HNRNPLL: variants seen among roughly 807,000 people sequenced by gnomAD.
HNRNPLL encodes the protein heterogeneous nuclear ribonucleoprotein L-like.
In HNRNPLL, 25 loss-of-function variants were observed where a neutral mutation model predicts 67.1. That is an observed-to-expected ratio of 0.37 (90% CI 0.27 to 0.52). The LOEUF (loss-of-function observed/expected upper bound fraction) is 0.52. Ranked by LOEUF, HNRNPLL falls within the 20% of genes least tolerant of loss-of-function variation. HNRNPLL has a pLI of 0.90. For synonymous variants in HNRNPLL, 267 were observed against 241.7 expected (o/e 1.10, Z -0.97); for missense variants, 542 against 673.9 (o/e 0.80, Z 2.17).
Position 38,585,761 on chromosome 2 carries a change from A to C in HNRNPLL, c.429T>G (p.Ala143=). ...DEPVYIAGQQ[A]FFNYSTSKRI... is the part of the protein sequence containing the mutation. Reference sequence around the variant, plus strand: ...TTTTGCTTGTAGAATAGTTGAAAAAAGCCTGTTGACCAGCAATGTACACGG... The same window carrying C: ...TTTTGCTTGTAGAATAGTTGAAAAACGCCTGTTGACCAGCAATGTACACGG... Residue 143 remains alanine, a synonymous_variant, in exon 3 of 13, where the codon GCT becomes GCG. Coordinates refer to ENST00000449105, the MANE Select transcript of HNRNPLL (RefSeq NM_138394.4). 3.1e-6 allele frequency: 5 copies of C among 1,613,734 alleles called. No individual in the cohort carries two copies. Among genetic ancestry groups the C allele is most frequent in the Non-Finnish European group, 4.2e-6 (5 of 1,179,632 alleles).
intron 12 of HNRNPLL, among the ~76,000 whole-genome samples, chr2:38,564,756 A>G (rs1179814749): frequency 6.6e-6 from 1 of 151,990 alleles, no homozygotes; most frequent in Admixed American, 6.6e-5. Context: ...ACTGTCTGGC[A>G]CTCAATTTTT....
intron 7 of HNRNPLL, among the ~76,000 whole-genome samples, chr2:38,576,123 G>A (rs1374206971): frequency 6.6e-6 from 1 of 151,756 alleles, no homozygotes; most frequent in East Asian, 1.9e-4. Flanking sequence ...AAGGAAGGCA[G>A]ACTTACACTA....
intron 4 of HNRNPLL, among the ~76,000 whole-genome samples, chr2:38,583,030 C>A (rs1303924727): frequency 6.6e-6 from 1 of 152,008 alleles, no homozygotes; most frequent in Non-Finnish European, 1.5e-5. Flanking sequence ...AACTTGCAAC[C>A]TTGAAACAGA....
At chr2:38,577,887 A>T (rs963939285) in intron 6 of HNRNPLL, 1 of 475,828 alleles carries the variant, frequency 2.1e-6, no homozygotes, top group African/African-American at 2.0e-5. Flanking sequence ...CTTTAAAACA[A>T]GCTTTAAGTG....
intron 4 of HNRNPLL, among the ~76,000 whole-genome samples, chr2:38,582,515 T>C (rs901110110): frequency 6.6e-5 from 10 of 152,266 alleles, no homozygotes; most frequent in South Asian, 2.1e-4. Context: ...TTTCACCATG[T>C]TGACCAGGAT....
Position 38,583,821 on chromosome 2 carries a change from A to C in HNRNPLL, c.632+20T>G, listed in dbSNP as rs1223592371. ...TCCGTATGAATTACACATCAATAAA[A>C]ATTTACAAATAAAGGATATTCAACC... On this transcript the variant is annotated intron_variant, in intron 4 of 12. Coordinates refer to ENST00000449105, the MANE Select transcript of HNRNPLL (RefSeq NM_138394.4). 1.6e-6 allele frequency: 2 copies of C among 1,226,512 alleles called. No homozygotes were observed. The highest frequency in any genetic ancestry group is 2.3e-6 in the Non-Finnish European group (2 of 853,946). 76.0% of individuals were successfully genotyped at this position (1,226,512 alleles called of 1,614,324 possible). A position where few individuals can be genotyped will look rare whatever the true frequency, so the allele number is the denominator to read the frequency against.
At chr2:38,595,643 A>C in intron 1 of HNRNPLL, among the ~76,000 whole-genome samples, 1 of 152,286 alleles carries the variant, frequency 6.6e-6, no homozygotes, top group East Asian at 1.9e-4. Flanking sequence ...CAGGAGTTTG[A>C]GATCAGCCTG....
At chr2:38,567,513 T>C (rs1054629890) in intron 12 of HNRNPLL, among the ~76,000 whole-genome samples, 4 of 152,222 alleles carry the variant, frequency 2.6e-5, no homozygotes, top group Non-Finnish European at 5.9e-5. Context: ...ACTTTTCATT[T>C]TGTACCTTTA....
intron 7 of HNRNPLL, among the ~76,000 whole-genome samples, chr2:38,574,324 A>G (rs567269666): frequency 6.6e-5 from 10 of 151,998 alleles, no homozygotes; most frequent in African/African-American, 1.9e-4. Flanking sequence ...GAGGAACTCA[A>G]AAGCAGCAAC....
At chr2:38,593,531 C>T (rs1667049639) in intron 1 of HNRNPLL, among the ~76,000 whole-genome samples, 1 of 152,148 alleles carries the variant, frequency 6.6e-6, no homozygotes, top group Non-Finnish European at 1.5e-5. Flanking sequence ...GGCCTGAACT[C>T]TTCAAAAAGT....
chr2:38,597,112 G>A (rs2148388130), intron 1 of HNRNPLL, among the ~76,000 whole-genome samples: 1 of 152,196 alleles, frequency 6.6e-6, no homozygotes, highest in South Asian at 2.1e-4. Flanking sequence ...GCATATTAAG[G>A]ACTAAACTCT....
chr2:38,587,283 T>TA (rs1400547233), intron 2 of HNRNPLL, among the ~76,000 whole-genome samples: 3 of 152,246 alleles, frequency 2.0e-5, no homozygotes, highest in East Asian at 3.8e-4. Flanking sequence ...TTGTCAAGAT[T>TA]AGAGTTACTA....
chr2:38,594,793 T>C (rs1572461998), intron 1 of HNRNPLL, among the ~76,000 whole-genome samples: 1 of 150,748 alleles, frequency 6.6e-6, no homozygotes, highest in South Asian at 2.1e-4. Context: ...CTACTAAAAT[T>C]AGAAAAATGA....
intron 1 of HNRNPLL, among the ~76,000 whole-genome samples, chr2:38,592,805 T>C (rs766336936): frequency 2.6e-5 from 4 of 152,234 alleles, no homozygotes; most frequent in Non-Finnish European, 5.9e-5. Context: ...TCCCTGTCTA[T>C]ACAAAAAGAA....
chr2:38,596,181 C>T (rs929267530), intron 1 of HNRNPLL, among the ~76,000 whole-genome samples: 3 of 152,098 alleles, frequency 2.0e-5, no homozygotes, highest in African/African-American at 7.2e-5. Flanking sequence ...TCCCCCTTTT[C>T]CCCCAAAATA....
chr2:38,575,588 T>C (rs1666268810), intron 7 of HNRNPLL, among the ~76,000 whole-genome samples: 2 of 151,864 alleles, frequency 1.3e-5, no homozygotes, highest in Non-Finnish European at 3.0e-5. Context: ...ATGATTCACA[T>C]AGATTTCATA....
chr2:38,577,732 T>C (rs1161728944), intron 6 of HNRNPLL, among the ~76,000 whole-genome samples, 200 bp from the exon 7 acceptor site: 1 of 152,098 alleles, frequency 6.6e-6, no homozygotes, highest in Non-Finnish European at 1.5e-5. Flanking sequence ...ATCTAACAAA[T>C]TCCACTTAAC....
chr2:38,583,495 G>A (rs1666616503), intron 4 of HNRNPLL, among the ~76,000 whole-genome samples: 1 of 152,136 alleles, frequency 6.6e-6, no homozygotes, highest in South Asian at 2.1e-4. Flanking sequence ...ATAAAAAAAG[G>A]TAAGATTTTA....
chr2:38,580,475 G>A (rs1262822312), intron 6 of HNRNPLL, among the ~76,000 whole-genome samples: 1 of 152,162 alleles, frequency 6.6e-6, no homozygotes, highest in Non-Finnish European at 1.5e-5. Context: ...TCATCACATT[G>A]TCTTTTTCTT....
Sources: gnomAD v4.1 joint callset for allele counts (sites outside exome capture counted in the v4.1 genomes callset) on GRCh38, gnomAD v4.1.1 for gene constraint, MANE v1.5 for transcripts, NCBI Gene and HGNC (gene_info 2026-07-23, HGNC 2026-07-21) for gene names.